Variants in MINDY4 observed in about 807,000 individuals in gnomAD.
MINDY4 encodes the protein MINDY lysine 48 deubiquitinase 4.
Under a neutral mutation model 87.0 loss-of-function variants are expected in MINDY4, and 68 were observed. That is an observed-to-expected ratio of 0.78 (90% CI 0.64 to 0.96). The LOEUF (loss-of-function observed/expected upper bound fraction) is 0.96, where lower values mean the gene tolerates loss of function less well. MINDY4 is among the 40% of genes least tolerant of loss of function. The probability of loss-of-function intolerance (pLI) is 0.00; values close to 1 mark genes in which losing one functional copy is unlikely to be tolerated. For synonymous variants in MINDY4, 379 were observed against 363.2 expected, an observed-to-expected ratio of 1.04 and a Z score of -0.50; for missense variants, 919 against 928.2, an observed-to-expected ratio of 0.99 and a Z score of 0.13.
chr7:30,859,311 A>T lies in MINDY4; in HGVS notation c.1732A>T (p.Arg578Trp). ...ILLTLSAILS[R>W]STELIRQDFD... Reference sequence around the variant, plus strand: ...GCTCACCCTTTCTGCCATCCTGTCCAGGTCTACAGAGCTGTGAGTATCTTT... The same window carrying T: ...GCTCACCCTTTCTGCCATCCTGTCCTGGTCTACAGAGCTGTGAGTATCTTT... The change falls in exon 13 of 18, where the codon AGG (arginine) becomes TGG (tryptophan). Residue 578 changes from arginine (R) to tryptophan (W), a missense_variant. By Grantham distance (101) the Arg-to-Trp change is moderately radical. Transcript: ENST00000265299. The T allele has an allele frequency of 2.5e-6, 4 of 1,614,054 alleles. No homozygotes were observed. The highest frequency in any genetic ancestry group is 3.4e-6 in the Non-Finnish European group (4 of 1,179,986).
At chr7:30,880,309 C>CCCCCCCCCCCCG (rs138112353) in intron 15 of MINDY4, among the ~76,000 whole-genome samples, 1 of 148,734 alleles carries the variant, frequency 6.7e-6, no homozygotes, top group Non-Finnish European at 1.5e-5. Flanking sequence ...CGCACCCCCC[C>CCCCCCCCCCCCG]CCACCCCCGA....
chr7:30,837,138 C>T (rs1341814265), intron 7 of MINDY4, among the ~76,000 whole-genome samples: 1 of 152,156 alleles, frequency 6.6e-6, no homozygotes, highest in African/African-American at 2.4e-5. Flanking sequence ...GGCCAGGTTG[C>T]AGTGAAGGAA....
intron 5 of MINDY4, among the ~76,000 whole-genome samples, chr7:30,816,051 G>A (rs1788138561): frequency 6.6e-6 from 1 of 152,044 alleles, no homozygotes; most frequent in South Asian, 2.1e-4. Context: ...CCTCCAGCAG[G>A]GCTGCAGGAT....
At chr7:30,811,436 C>T (rs748554103) in intron 5 of MINDY4, among the ~76,000 whole-genome samples, 19 of 152,142 alleles carry the variant, frequency 1.2e-4, no homozygotes, top group African/African-American at 3.6e-4. Flanking sequence ...CAGTCACTAC[C>T]GATCTGTCTT....
intron 5 of MINDY4, among the ~76,000 whole-genome samples, chr7:30,794,791 C>T (rs1411697931): frequency 6.6e-6 from 1 of 152,138 alleles, no homozygotes; most frequent in Non-Finnish European, 1.5e-5. Flanking sequence ...TTCCTCTCAC[C>T]ATCACTCAGA....
chr7:30,832,828 T>G (rs1363460197), intron 6 of MINDY4, among the ~76,000 whole-genome samples: 2 of 152,040 alleles, frequency 1.3e-5, no homozygotes, highest in Non-Finnish European at 2.9e-5. Flanking sequence ...CCTTTTACAT[T>G]TCCCTCTCTC....
At chr7:30,881,510 T>C (rs1244476372) in intron 15 of MINDY4, among the ~76,000 whole-genome samples, 1 of 152,162 alleles carries the variant, frequency 6.6e-6, no homozygotes, top group Admixed American at 6.5e-5. Context: ...CATTCCTAGT[T>C]GTCTTTACCG....
chr7:30,786,021 G>A (rs766303302), intron 4 of MINDY4, 29 bp downstream of exon 4: 2 of 1,611,232 alleles, frequency 1.2e-6, no homozygotes, highest in East Asian at 2.2e-5. Context: ...CTGTTGTTAT[G>A]GGACTGGAGG....
At chr7:30,784,489 C>T (rs1787096692) in intron 3 of MINDY4, among the ~76,000 whole-genome samples, 1 of 152,236 alleles carries the variant, frequency 6.6e-6, no homozygotes, top group South Asian at 2.1e-4. Context: ...CCCCTCAAAT[C>T]CGCCCTTGCC....
At chr7:30,852,433 C>T (rs975683841) in intron 11 of MINDY4, 154 bp downstream of exon 11, 17 of 938,230 alleles carry the variant, frequency 1.8e-5, no homozygotes, top group African/African-American at 1.8e-5. Flanking sequence ...TGGGGACAGA[C>T]GTGGGGTGGC....
intron 5 of MINDY4, among the ~76,000 whole-genome samples, chr7:30,817,366 CTT>C (rs572880227): frequency 1.7e-4 from 19 of 114,102 alleles, no homozygotes; most frequent in Admixed American, 3.5e-4. Flanking sequence ...TTGGGTTTGT[CTT>C]TTTTTTTTTT....
chr7:30,849,417 C>T (rs1033598524), intron 9 of MINDY4, among the ~76,000 whole-genome samples: 2 of 152,172 alleles, frequency 1.3e-5, no homozygotes, highest in African/African-American at 2.4e-5. Flanking sequence ...AAGTACACCT[C>T]GAAGGAGTCC....
At chr7:30,863,747 G>A (rs1476791044) in intron 13 of MINDY4, among the ~76,000 whole-genome samples, 4 of 152,178 alleles carry the variant, frequency 2.6e-5, no homozygotes, top group Admixed American at 6.5e-5. Flanking sequence ...GACCTTTGAG[G>A]TTTGTTTATC....
At chr7:30,837,257 G>C (rs1358349661) in intron 7 of MINDY4, among the ~76,000 whole-genome samples, 2 of 152,134 alleles carry the variant, frequency 1.3e-5, no homozygotes, top group African/African-American at 4.8e-5. Flanking sequence ...GGCCACAGCA[G>C]CCTCTTCTGC....
chr7:30,846,450 A>G (rs144629523), intron 9 of MINDY4, among the ~76,000 whole-genome samples: 1 of 152,350 alleles, frequency 6.6e-6, no homozygotes, highest in East Asian at 1.9e-4. Flanking sequence ...CCTGTGAGGA[A>G]TTCGACTCTT....
intron 15 of MINDY4, among the ~76,000 whole-genome samples, chr7:30,879,779 C>T (rs373260277): frequency 1.8e-4 from 28 of 152,314 alleles, no homozygotes; most frequent in African/African-American, 6.5e-4. Context: ...TATCTTAATT[C>T]TTTCCTTCAT....
At chr7:30,837,052 C>T (rs1451903788) in intron 7 of MINDY4, among the ~76,000 whole-genome samples, 1 of 152,120 alleles carries the variant, frequency 6.6e-6, no homozygotes, top group East Asian at 1.9e-4. Flanking sequence ...CCTGTGGGCA[C>T]CGTTAGGGTG....
chr7:30,881,198 CAG>C (rs970427863), intron 15 of MINDY4, among the ~76,000 whole-genome samples: 63 of 152,212 alleles, frequency 4.1e-4, no homozygotes, highest in African/African-American at 8.9e-4. Context: ...CAAGAAGTGT[CAG>C]GGGCTGGGGG....
At chr7:30,843,643 C>T (rs919007187) in intron 9 of MINDY4, among the ~76,000 whole-genome samples, 3 of 141,784 alleles carry the variant, frequency 2.1e-5, no homozygotes, top group Admixed American at 6.8e-5. Context: ...GCTGTCCACA[C>T]CAGGGAGGGA....
Sources: allele counts gnomAD v4.1 joint callset (sites outside exome capture counted in the v4.1 genomes callset), GRCh38; gene constraint gnomAD v4.1.1; transcripts MANE v1.5; gene names NCBI Gene and HGNC (gene_info 2026-07-23, HGNC 2026-07-21).